Variants in TBC1D22A observed in about 807,000 individuals in gnomAD.
The protein encoded by TBC1D22A is TBC1 domain family member 22A.
In TBC1D22A, 38 loss-of-function variants were observed where a neutral mutation model predicts 60.2. That is an observed-to-expected ratio of 0.63 (90% CI 0.49 to 0.83). TBC1D22A has a LOEUF of 0.83. TBC1D22A is among the 40% of genes least tolerant of loss of function. The pLI is 0.00. For synonymous variants in TBC1D22A, 302 were observed against 281.7 expected, an observed-to-expected ratio of 1.07 and a Z score of -0.72; for missense variants, 628 against 701.0, an observed-to-expected ratio of 0.90 and a Z score of 1.18.
At chr22:47,122,595 G>A (rs62225155) in intron 12 of TBC1D22A, among the ~76,000 whole-genome samples, 7 of 152,162 alleles carry the variant, frequency 4.6e-5, no homozygotes, top group Non-Finnish European at 7.4e-5. Flanking sequence ...TTAGGAGGCC[G>A]CCCTAAATGC....
At chr22:47,024,202 T>C (rs1269514565) in intron 10 of TBC1D22A, among the ~76,000 whole-genome samples, 3 of 152,018 alleles carry the variant, frequency 2.0e-5, no homozygotes, top group Non-Finnish European at 4.4e-5. Flanking sequence ...ACCGCTAACA[T>C]AACCAGACAG....
chr22:46,922,970 G>T (rs1025455841), intron 8 of TBC1D22A, among the ~76,000 whole-genome samples: 2 of 152,180 alleles, frequency 1.3e-5, no homozygotes, highest in Non-Finnish European at 2.9e-5. Context: ...TTGAATAGGA[G>T]TTTTGAGAGT....
intron 11 of TBC1D22A, among the ~76,000 whole-genome samples, chr22:47,096,784 A>ACCACT (rs2065194556): frequency 6.6e-6 from 1 of 152,180 alleles, no homozygotes; most frequent in East Asian, 1.9e-4. Context: ...ATTGTGCCAC[A>ACCACT]GCACTCCAGC....
chr22:47,168,240 G>A lies in TBC1D22A; in HGVS notation c.1426-5258G>A, dbSNP rs957189378. Among the ~76,000 whole-genome samples, 5 of 148,370 alleles carry A rather than the reference G, an allele frequency of 3.4e-5. No individual in the cohort carries two copies. In the South Asian group the frequency reaches 6.6e-4, roughly 20 times the overall value. ...ACTCACTGCCCAGCAAAGTGCTGTG[G>A]GCTCGGTTTTGGGGATATAGGGACA... On this transcript the variant is annotated intron_variant, in intron 12 of 12. Coordinates refer to ENST00000337137, the MANE Select transcript of TBC1D22A (RefSeq NM_014346.5).
At chr22:46,955,355 T>A (rs17174774) in intron 8 of TBC1D22A, among the ~76,000 whole-genome samples, 5,821 of 152,322 alleles carry the variant, frequency 0.038, 157 homozygotes, top group Middle Eastern at 0.13. Flanking sequence ...CTGAATAGTT[T>A]CAGAATTTTA....
At chr22:46,999,363 A>T (rs764806794) in intron 10 of TBC1D22A, among the ~76,000 whole-genome samples, 29 of 152,198 alleles carry the variant, frequency 1.9e-4, no homozygotes, top group Non-Finnish European at 2.6e-4. Context: ...TGTTTAAAGG[A>T]TCAGTGCTTC....
At chr22:46,959,363 C>T (rs1486690901) in intron 8 of TBC1D22A, among the ~76,000 whole-genome samples, 3 of 152,274 alleles carry the variant, frequency 2.0e-5, no homozygotes, top group East Asian at 1.9e-4. Flanking sequence ...GTCCTGACAC[C>T]GACCCGCAGG....
intron 4 of TBC1D22A, among the ~76,000 whole-genome samples, chr22:46,818,043 A>G (rs919114805): frequency 2.0e-5 from 3 of 152,226 alleles, no homozygotes; most frequent in African/African-American, 7.2e-5. Context: ...TCTTGGCCGC[A>G]TAAATGTCTT....
chr22:47,126,439 C>T (rs1384224939), intron 12 of TBC1D22A, among the ~76,000 whole-genome samples: 1 of 152,210 alleles, frequency 6.6e-6, no homozygotes, highest in Non-Finnish European at 1.5e-5. Context: ...GGCCAGCATG[C>T]GGCCAGCAGT....
chr22:47,015,526 T>C (rs977583872), intron 10 of TBC1D22A, among the ~76,000 whole-genome samples: 5 of 152,264 alleles, frequency 3.3e-5, no homozygotes, highest in African/African-American at 1.2e-4. Context: ...TTGCTCTAGC[T>C]GTTCTCCCAT....
chr22:47,001,907 T>A (rs2061422011), intron 10 of TBC1D22A, among the ~76,000 whole-genome samples: 1 of 152,226 alleles, frequency 6.6e-6, no homozygotes, highest in African/African-American at 2.4e-5. Flanking sequence ...AAAAATAGAA[T>A]TAGGATGTCG....
intron 4 of TBC1D22A, among the ~76,000 whole-genome samples, chr22:46,810,454 A>AAT (rs145865429): frequency 0.074 from 11,233 of 151,738 alleles, 574 homozygotes; most frequent in Non-Finnish European, 0.11. Flanking sequence ...AAAAAAAAAA[A>AAT]GTATATATTT....
intron 4 of TBC1D22A, among the ~76,000 whole-genome samples, chr22:46,816,294 G>A (rs1488346544): frequency 2.6e-5 from 4 of 152,222 alleles, no homozygotes; most frequent in African/African-American, 9.7e-5. Flanking sequence ...GGGCGGGATT[G>A]GGCTTGGTGC....
intron 4 of TBC1D22A, among the ~76,000 whole-genome samples, chr22:46,857,613 A>G (rs1277620967): frequency 6.6e-6 from 1 of 152,152 alleles, no homozygotes; most frequent in Non-Finnish European, 1.5e-5. Flanking sequence ...CAATTTCATC[A>G]TCTCACAAGG....
chr22:46,781,315 A>T (rs1019049957), intron 1 of TBC1D22A, among the ~76,000 whole-genome samples: 2 of 152,018 alleles, frequency 1.3e-5, no homozygotes, highest in Admixed American at 6.6e-5. Context: ...AGCTGGGACT[A>T]CAGGAGCACA....
At chr22:46,935,529 G>C (rs1252640799) in intron 8 of TBC1D22A, among the ~76,000 whole-genome samples, 1 of 152,216 alleles carries the variant, frequency 6.6e-6, no homozygotes, top group South Asian at 2.1e-4. Flanking sequence ...CTTGGAAAAT[G>C]ACCAGTCATT....
At chr22:46,808,374 T>A (rs1159548627) in intron 4 of TBC1D22A, among the ~76,000 whole-genome samples, 4 of 147,802 alleles carry the variant, frequency 2.7e-5, no homozygotes, top group Admixed American at 6.7e-5. Context: ...TAAAAAAAAA[T>A]AAAAAAATAA....
chr22:47,017,113 A>C (rs1457050642), intron 10 of TBC1D22A, among the ~76,000 whole-genome samples: 3 of 152,232 alleles, frequency 2.0e-5, no homozygotes, highest in African/African-American at 7.2e-5. Context: ...CTTTATTACC[A>C]GTTACAAGTC....
At chr22:47,021,316 C>T (rs1173623933) in intron 10 of TBC1D22A, among the ~76,000 whole-genome samples, 3 of 130,850 alleles carry the variant, frequency 2.3e-5, no homozygotes, top group Admixed American at 7.8e-5. Context: ...TAGCAGAACC[C>T]CACCTGTAGC....
Sources: gnomAD v4.1 joint callset for allele counts (sites outside exome capture counted in the v4.1 genomes callset) on GRCh38, gnomAD v4.1.1 for gene constraint, MANE v1.5 for transcripts, NCBI Gene and HGNC (gene_info 2026-07-23, HGNC 2026-07-21) for gene names.